Variants in PDK1 observed in about 807,000 individuals in gnomAD.
PDK1 encodes the protein pyruvate dehydrogenase kinase 1.
In PDK1, 39 loss-of-function variants were observed where a neutral mutation model predicts 54.2. The observed-to-expected ratio is 0.72, with a 90% CI of 0.56 to 0.94. The LOEUF is 0.94. Ranked by LOEUF, PDK1 falls within the 40% of genes least tolerant of loss-of-function variation. The pLI, the probability that PDK1 is intolerant of heterozygous loss-of-function variation, is 0.00. For synonymous variants in PDK1, 221 were observed against 207.1 expected (o/e 1.07, Z -0.58); for missense variants, 552 against 566.0 (o/e 0.98, Z 0.25).
the PDK1 span, among the ~76,000 whole-genome samples, chr2:172,665,154 G>GT: frequency 0.32 from 47,232 of 149,296 alleles, 8,996 homozygotes; most frequent in Non-Finnish European, 0.44. Context: ...GCCAAAGAAT[G>GT]TTTTTTTTTT....
the PDK1 span, among the ~76,000 whole-genome samples, chr2:172,661,515 G>A: frequency 1.4e-4 from 21 of 152,074 alleles, no homozygotes; most frequent in Non-Finnish European, 1.8e-4. Flanking sequence ...AATCAGCTGC[G>A]GTTGGAGTTT....
chr2:172,566,260 T>TA (rs1558931162), intron 5 of PDK1, among the ~76,000 whole-genome samples: 2 of 152,288 alleles, frequency 1.3e-5, no homozygotes, highest in African/African-American at 4.8e-5. Context: ...ATGTCACACT[T>TA]AGACTTTCCC....
At chr2:172,613,055 T>C (rs1691511987), downstream of PDK1, among the ~76,000 whole-genome samples, 2 of 152,194 alleles carry the variant, frequency 1.3e-5, 1 homozygote, top group South Asian at 4.1e-4. Context: ...AAAAGGTTTA[T>C]TGGAGGGTAA....
the PDK1 span, among the ~76,000 whole-genome samples, chr2:172,694,191 T>C: frequency 6.6e-6 from 1 of 152,192 alleles, no homozygotes; most frequent in Non-Finnish European, 1.5e-5. Flanking sequence ...TTAGGATCCA[T>C]AGCATTGAGG....
the PDK1 span, among the ~76,000 whole-genome samples, chr2:172,617,151 C>T: frequency 6.6e-6 from 1 of 152,028 alleles, no homozygotes; most frequent in Admixed American, 6.5e-5. Context: ...TGGATTTTCA[C>T]CATGTTGGCC....
chr2:172,699,509 T>G, the PDK1 span, among the ~76,000 whole-genome samples: 4 of 149,934 alleles, frequency 2.7e-5, no homozygotes, highest in Non-Finnish European at 5.9e-5. Flanking sequence ...CTGTTCAGAT[T>G]GTAAAAGTTA....
chr2:172,611,914 T>A (rs1691475450), downstream of PDK1, among the ~76,000 whole-genome samples: 1 of 152,270 alleles, frequency 6.6e-6, no homozygotes, highest in African/African-American at 2.4e-5. Context: ...TTTTCCCATC[T>A]TTGATACTCC....
chr2:172,663,600 G>T, the PDK1 span, among the ~76,000 whole-genome samples: 3 of 152,124 alleles, frequency 2.0e-5, no homozygotes, highest in Non-Finnish European at 4.4e-5. Flanking sequence ...CAGGTGGGAG[G>T]GGGTCCTGGA....
the PDK1 span, among the ~76,000 whole-genome samples, chr2:172,716,029 T>C: frequency 6.6e-6 from 1 of 152,190 alleles, no homozygotes; most frequent in Non-Finnish European, 1.5e-5. Flanking sequence ...ATGATTTTTA[T>C]CCTCCTTTGA....
At chr2:172,665,706 A>G in the PDK1 span, among the ~76,000 whole-genome samples, 3 of 152,198 alleles carry the variant, frequency 2.0e-5, no homozygotes, top group Non-Finnish European at 1.5e-5. Context: ...CACAGGAAGA[A>G]TCAGATATGC....
At chr2:172,623,566 T>C in the PDK1 span, among the ~76,000 whole-genome samples, 1 of 152,180 alleles carries the variant, frequency 6.6e-6, no homozygotes, top group Admixed American at 6.5e-5. Flanking sequence ...TATGTAGTAA[T>C]AAAACACCTA....
chr2:172,617,108 C>T, the PDK1 span, among the ~76,000 whole-genome samples: 1 of 152,062 alleles, frequency 6.6e-6, no homozygotes, highest in Non-Finnish European at 1.5e-5. Flanking sequence ...TGCCACCACA[C>T]ATGGCTAATT....
chr2:172,586,759 C>T (rs1396017630), intron 9 of PDK1, among the ~76,000 whole-genome samples: 1 of 152,130 alleles, frequency 6.6e-6, no homozygotes, highest in Non-Finnish European at 1.5e-5. Flanking sequence ...ACTTTTTTCT[C>T]AAGTACTTGT....
the PDK1 span, among the ~76,000 whole-genome samples, chr2:172,630,124 G>A: frequency 6.6e-6 from 1 of 152,090 alleles, no homozygotes; most frequent in Non-Finnish European, 1.5e-5. Flanking sequence ...CTAACACTTG[G>A]GATCATATGA....
At chr2:172,614,600 G>A in the PDK1 span, among the ~76,000 whole-genome samples, 1 of 152,232 alleles carries the variant, frequency 6.6e-6, no homozygotes, top group Non-Finnish European at 1.5e-5. Context: ...CCTGCAGAGA[G>A]GAGCCACTCT....
intron 8 of PDK1, among the ~76,000 whole-genome samples, chr2:172,575,771 A>G (rs904632346): frequency 6.6e-6 from 1 of 152,186 alleles, no homozygotes; most frequent in Non-Finnish European, 1.5e-5. Flanking sequence ...GCAGTAAGCT[A>G]AGATTGTGCC....
At chr2:172,668,932 GAGAGAGAA>G in the PDK1 span, among the ~76,000 whole-genome samples, 7,809 of 140,998 alleles carry the variant, frequency 0.055, 246 homozygotes, top group Non-Finnish European at 0.077. Flanking sequence ...GAGAGAGAGA[GAGAGAGAA>G]AGAGAGAGAG....
chr2:172,711,716 A>G, the PDK1 span, among the ~76,000 whole-genome samples: 1,212 of 152,164 alleles, frequency 8.0e-3, 19 homozygotes, highest in African/African-American at 0.027. Flanking sequence ...AAATTAAAAA[A>G]TTAGCCAGGC....
Position 172,558,817 on chromosome 2 carries a change from C to G in PDK1, c.306C>G (p.Leu102=). 1 of 1,611,914 alleles carries G rather than the reference C, an allele frequency of 6.2e-7. No individual in the cohort carries two copies. The highest frequency in any genetic ancestry group is 8.5e-7 in the Non-Finnish European group (1 of 1,179,304). The change falls in exon 2 of 11, where the codon CTC becomes CTG. Residue 102 remains leucine (L), a synonymous_variant. Transcript: ENST00000282077. ...TAAGTCTCCTTCCAGATAATCTTCT[C>G]AGGACACCATCCGTTCAATTGGTAC... The part of the protein sequence containing the change: ...KEISLLPDNL[L]RTPSVQLVQS...
Sources: allele counts gnomAD v4.1 joint callset (sites outside exome capture counted in the v4.1 genomes callset), GRCh38; gene constraint gnomAD v4.1.1; transcripts MANE v1.5; gene names NCBI Gene and HGNC (gene_info 2026-07-23, HGNC 2026-07-21).